The following FILIP1L variants were observed in gnomAD, a reference collection of about 807,000 sequenced individuals.
FILIP1L encodes filamin A-interacting protein 1-like.
In FILIP1L, 55 loss-of-function variants were observed where a neutral mutation model predicts 96.6. The observed-to-expected ratio is 0.57, with a 90% CI of 0.46 to 0.71. The LOEUF is 0.71. Ranked by LOEUF, FILIP1L falls within the 30% of genes least tolerant of loss-of-function variation. The pLI is 0.00. For synonymous variants in FILIP1L, 467 were observed against 473.9 expected, an observed-to-expected ratio of 0.99 and a Z score of 0.19; for missense variants, 1,304 against 1,321.2, an observed-to-expected ratio of 0.99 and a Z score of 0.20.
chr3:100,046,426 CTT>C (rs77328793), intron 1 of FILIP1L, among the ~76,000 whole-genome samples: 1 of 143,522 alleles, frequency 7.0e-6, no homozygotes, highest in Non-Finnish European at 1.5e-5. Flanking sequence ...AGTAAACAAC[CTT>C]TTTTTTTTTT....
At chr3:99,941,179 A>G (rs1009251404) in intron 1 of FILIP1L, among the ~76,000 whole-genome samples, 1 of 151,898 alleles carries the variant, frequency 6.6e-6, no homozygotes, top group East Asian at 1.9e-4. Flanking sequence ...CATTCTTCCT[A>G]TTCCTTACGT....
chr3:99,835,938 A>G (rs749728371), intron 5 of FILIP1L, among the ~76,000 whole-genome samples: 4 of 152,202 alleles, frequency 2.6e-5, no homozygotes, highest in Non-Finnish European at 4.4e-5. Context: ...ATCAAAGGTA[A>G]GAAGGCCCAG....
At chr3:100,047,230 T>A (rs1033700802) in intron 1 of FILIP1L, among the ~76,000 whole-genome samples, 3 of 152,220 alleles carry the variant, frequency 2.0e-5, no homozygotes, top group African/African-American at 7.2e-5. Flanking sequence ...GAGGGAAGTG[T>A]TGTTATTTTC....
intron 1 of FILIP1L, among the ~76,000 whole-genome samples, chr3:99,967,529 T>A (rs1006744915): frequency 3.3e-5 from 5 of 152,160 alleles, no homozygotes; most frequent in African/African-American, 1.2e-4. Flanking sequence ...CCCTCCTGGC[T>A]CCTTGTTTTG....
intron 4 of FILIP1L, among the ~76,000 whole-genome samples, chr3:99,883,571 A>G (rs1705798939): frequency 6.6e-6 from 1 of 152,174 alleles, no homozygotes; most frequent in Non-Finnish European, 1.5e-5. Flanking sequence ...TTAGACAACC[A>G]TATCACACTG....
chr3:99,951,959 ATAAG>A (rs1360737014), intron 1 of FILIP1L, among the ~76,000 whole-genome samples: 3 of 152,248 alleles, frequency 2.0e-5, no homozygotes, highest in Non-Finnish European at 4.4e-5. Flanking sequence ...GAGAGAACCT[ATAAG>A]TAAGTCAATC....
chr3:99,990,439 G>A (rs1411308811), intron 1 of FILIP1L, among the ~76,000 whole-genome samples: 1 of 152,118 alleles, frequency 6.6e-6, no homozygotes, highest in African/African-American at 2.4e-5. Flanking sequence ...ATAACAAAGT[G>A]AACACTAAAT....
At chr3:99,932,656 G>T (rs1176156949) in intron 1 of FILIP1L, among the ~76,000 whole-genome samples, 1 of 152,130 alleles carries the variant, frequency 6.6e-6, no homozygotes, top group East Asian at 1.9e-4. Context: ...TTGGGAGGCC[G>T]AGGCAGGCGG....
chr3:99,954,686 C>G (rs188080312), intron 1 of FILIP1L, among the ~76,000 whole-genome samples: 1 of 152,118 alleles, frequency 6.6e-6, no homozygotes, highest in Non-Finnish European at 1.5e-5. Flanking sequence ...ATTAGCCAAG[C>G]ATGGTGGTGC....
intron 1 of FILIP1L, among the ~76,000 whole-genome samples, chr3:100,009,517 G>A (rs951908283): frequency 1.6e-4 from 24 of 152,154 alleles, no homozygotes; most frequent in Non-Finnish European, 2.9e-4. Flanking sequence ...GGAAACTTTC[G>A]TCACCTCCAC....
intron 1 of FILIP1L, among the ~76,000 whole-genome samples, chr3:100,060,437 A>G (rs568558012): frequency 2.0e-5 from 3 of 152,254 alleles, no homozygotes; most frequent in African/African-American, 7.2e-5. Context: ...AAGTATGCCA[A>G]TGCCCTAAAC....
chr3:99,966,646 A>G (rs1708662118), intron 1 of FILIP1L, among the ~76,000 whole-genome samples: 1 of 152,252 alleles, frequency 6.6e-6, no homozygotes, highest in African/African-American at 2.4e-5. Context: ...TGCCACATTT[A>G]CATGGCATTT....
At chr3:100,111,966 C>T (rs1216558042) in intron 1 of FILIP1L, among the ~76,000 whole-genome samples, 1 of 152,188 alleles carries the variant, frequency 6.6e-6, no homozygotes, top group African/African-American at 2.4e-5. Flanking sequence ...GATTCCTACA[C>T]TCAGGGCATC....
At chr3:99,969,551 T>A (rs1708752910) in intron 1 of FILIP1L, among the ~76,000 whole-genome samples, 2 of 152,188 alleles carry the variant, frequency 1.3e-5, no homozygotes, top group African/African-American at 4.8e-5. Flanking sequence ...GTTGAAGTAA[T>A]GAGCCGTGCT....
intron 1 of FILIP1L, among the ~76,000 whole-genome samples, chr3:100,039,565 G>C (rs2065166106): frequency 6.6e-6 from 1 of 152,120 alleles, no homozygotes; most frequent in Non-Finnish European, 1.5e-5. Context: ...GGAAAAGCCA[G>C]ATACCAAATA....
chr3:100,045,598 A>G (rs1171136534), intron 1 of FILIP1L, among the ~76,000 whole-genome samples: 1 of 152,102 alleles, frequency 6.6e-6, no homozygotes, highest in East Asian at 1.9e-4. Flanking sequence ...TTTGGACCCA[A>G]ATGATTTCTG....
chr3:99,860,130 A>AC (rs1944170943), intron 4 of FILIP1L, among the ~76,000 whole-genome samples: 2 of 152,330 alleles, frequency 1.3e-5, no homozygotes, highest in Admixed American at 1.3e-4. Context: ...CTTTAGAGAT[A>AC]CCATAAATGG....
chr3:99,963,094 G>T (rs1248038752), intron 1 of FILIP1L, among the ~76,000 whole-genome samples: 1 of 152,328 alleles, frequency 6.6e-6, no homozygotes, highest in South Asian at 2.1e-4. Flanking sequence ...GTCAAAGAGG[G>T]TTTAGCCTGC....
At chr3:100,016,710 C>G (rs942947842) in intron 1 of FILIP1L, among the ~76,000 whole-genome samples, 1 of 152,182 alleles carries the variant, frequency 6.6e-6, no homozygotes, top group Non-Finnish European at 1.5e-5. Flanking sequence ...CTCTTGAATC[C>G]TTTTTATCCT....
Sources: gnomAD v4.1 joint callset for allele counts (sites outside exome capture counted in the v4.1 genomes callset) on GRCh38, gnomAD v4.1.1 for gene constraint, MANE v1.5 for transcripts, NCBI Gene and HGNC (gene_info 2026-07-23, HGNC 2026-07-21) for gene names.